Variants in SORCS1 observed in about 807,000 individuals in gnomAD.
The protein encoded by SORCS1 is sortilin related VPS10 domain containing receptor 1, also known as VPS10 domain-containing receptor SorCS1.
In SORCS1, 60 loss-of-function variants were observed where a neutral mutation model predicts 146.1. The observed-to-expected ratio is 0.41, with a 90% CI of 0.33 to 0.51. SORCS1 has a LOEUF of 0.51. SORCS1 is among the 20% of genes least tolerant of loss of function. The pLI is 0.21. For missense variants in SORCS1, 1,352 were observed against 1,487.6 expected (o/e 0.91, Z 1.50); for synonymous variants, 637 against 584.0 (o/e 1.09, Z -1.31).
In SORCS1 at chr10:106,573,882, A is replaced by C. The variant is rs1035611049; in HGVS notation, c.*3538T>G. On this transcript the variant is annotated 3_prime_UTR_variant, in exon 26 of 26. Coordinates refer to ENST00000263054, the MANE Select transcript of SORCS1 (RefSeq NM_052918.5). ...GAACACCAAGGGTTTAGGATTAAAAAAAAAAATACCTGAGGCAAAGACTTT... is the reference window on the plus strand; with the variant it reads ...GAACACCAAGGGTTTAGGATTAAAACAAAAAATACCTGAGGCAAAGACTTT... The C allele has an allele frequency of 6.6e-6, 1 of 152,590 alleles. No homozygotes were observed. Among genetic ancestry groups the C allele is most frequent in the Non-Finnish European group, 1.5e-5 (1 of 68,048 alleles). 9.5% of individuals were successfully genotyped at this position (152,590 alleles called of 1,614,324 possible). A position where few individuals can be genotyped will look rare whatever the true frequency, so the allele number is the denominator to read the frequency against.
chr10:107,124,938 CTTTCT>C (rs1966619333), intron 1 of SORCS1, among the ~76,000 whole-genome samples: 1 of 147,750 alleles, frequency 6.8e-6, no homozygotes, highest in Non-Finnish European at 1.5e-5. Flanking sequence ...TCTTTTCTTT[CTTTCT>C]TTTCTTTTTC....
chr10:106,857,378 G>C (rs1564741906), intron 2 of SORCS1, among the ~76,000 whole-genome samples: 1 of 152,214 alleles, frequency 6.6e-6, no homozygotes, highest in Non-Finnish European at 1.5e-5. Context: ...AGGCTATAGA[G>C]GGAAGCTTGG....
intron 1 of SORCS1, among the ~76,000 whole-genome samples, chr10:107,104,312 C>T (rs1965152085): frequency 1.3e-5 from 2 of 152,242 alleles, no homozygotes; most frequent in African/African-American, 4.8e-5. Context: ...ACCTCCTCTG[C>T]TTTGCAGCCC....
chr10:107,019,269 C>G (rs372370964), intron 1 of SORCS1, among the ~76,000 whole-genome samples: 1 of 152,116 alleles, frequency 6.6e-6, no homozygotes, highest in Admixed American at 6.6e-5. Context: ...TTTCAAGTTA[C>G]TATTAAATAT....
chr10:106,852,496 T>C (rs1214057855), intron 2 of SORCS1, among the ~76,000 whole-genome samples: 1 of 151,792 alleles, frequency 6.6e-6, no homozygotes, highest in Admixed American at 6.6e-5. Flanking sequence ...GGCATGGTGT[T>C]GCACGCCTGT....
intron 1 of SORCS1, among the ~76,000 whole-genome samples, chr10:107,102,688 G>A (rs899348682): frequency 6.6e-6 from 1 of 152,134 alleles, no homozygotes; most frequent in East Asian, 1.9e-4. Flanking sequence ...CATGCAAAGC[G>A]ATAAACTGTG....
chr10:106,888,172 C>G (rs1346726015), intron 2 of SORCS1, among the ~76,000 whole-genome samples: 1 of 152,004 alleles, frequency 6.6e-6, no homozygotes, highest in Non-Finnish European at 1.5e-5. Flanking sequence ...TCTTCAGAAG[C>G]TGATTTGAGG....
At chr10:107,099,612 G>T (rs964522393) in intron 1 of SORCS1, among the ~76,000 whole-genome samples, 7 of 152,048 alleles carry the variant, frequency 4.6e-5, no homozygotes, top group Non-Finnish European at 1.0e-4. Flanking sequence ...GAACAAAGCA[G>T]GTATTCCATC....
At chr10:106,772,226 G>C (rs939154533) in intron 4 of SORCS1, among the ~76,000 whole-genome samples, 1 of 152,014 alleles carries the variant, frequency 6.6e-6, no homozygotes, top group Non-Finnish European at 1.5e-5. Flanking sequence ...TTTTGAGCTG[G>C]GATATCCATC....
chr10:107,048,445 G>T (rs1275191516), intron 1 of SORCS1, among the ~76,000 whole-genome samples: 1 of 152,064 alleles, frequency 6.6e-6, no homozygotes, highest in African/African-American at 2.4e-5. Context: ...TTGTTAATTT[G>T]TCTTTCAATT....
rs150333833 is a variant in SORCS1, at chr10:106,611,949, T to C, written c.2995A>G (p.Arg999Gly). Reference sequence around the variant, plus strand: ...TTTTTGATGACTCGACCGATGTCCCTCCTCCACTCAGGGATGTCCGGGTTG... The same window carrying C: ...TTTTTGATGACTCGACCGATGTCCCCCCTCCACTCAGGGATGTCCGGGTTG... The part of the protein sequence containing the change: ...DYNPDIPEWR[R>G]DIGRVIKKSL... The change falls in exon 22 of 26, where the codon AGG (arginine) becomes GGG (glycine). Residue 999 changes from arginine (R) to glycine (G), a missense_variant. Physicochemically the swap from Arg to Gly is moderately radical, Grantham distance 125. Transcript: ENST00000263054. 1 of 1,613,976 alleles carries C rather than the reference T, an allele frequency of 6.2e-7. No homozygotes were observed. The highest frequency in any genetic ancestry group is 8.5e-7 in the Non-Finnish European group (1 of 1,179,988).
chr10:106,775,585 G>A (rs1860369948), intron 4 of SORCS1, among the ~76,000 whole-genome samples: 1 of 152,074 alleles, frequency 6.6e-6, no homozygotes, highest in South Asian at 2.1e-4. Context: ...TGAAACCCCA[G>A]AATATTCACC....
At chr10:107,149,938 A>G (rs1410646673) in intron 1 of SORCS1, among the ~76,000 whole-genome samples, 9 of 152,178 alleles carry the variant, frequency 5.9e-5, no homozygotes, top group Admixed American at 5.9e-4. Context: ...TGTCTGCAAA[A>G]TTTTTAATCT....
chr10:106,768,311 C>T (rs2136302610), intron 4 of SORCS1, among the ~76,000 whole-genome samples: 1 of 152,278 alleles, frequency 6.6e-6, no homozygotes, highest in East Asian at 1.9e-4. Flanking sequence ...ATATAATGCT[C>T]AACATATTTC....
intron 1 of SORCS1, among the ~76,000 whole-genome samples, chr10:107,018,948 G>C (rs985644397): frequency 2.6e-5 from 4 of 152,192 alleles, no homozygotes; most frequent in East Asian, 1.9e-4. Context: ...CAAATAACTT[G>C]AAGTTCCAGC....
At chr10:106,641,941 C>T (rs925142134) in intron 18 of SORCS1, among the ~76,000 whole-genome samples, 7 of 152,062 alleles carry the variant, frequency 4.6e-5, no homozygotes, top group Non-Finnish European at 1.0e-4. Context: ...TATATTCCCA[C>T]AAACTAAAGT....
chr10:107,101,646 A>T (rs376661691), intron 1 of SORCS1, among the ~76,000 whole-genome samples: 3 of 152,232 alleles, frequency 2.0e-5, no homozygotes, highest in African/African-American at 7.2e-5. Flanking sequence ...ATAGGACTGA[A>T]CCAATGCACC....
chr10:106,601,131 T>C (rs1846216200), intron 23 of SORCS1, among the ~76,000 whole-genome samples: 1 of 152,206 alleles, frequency 6.6e-6, no homozygotes, highest in Non-Finnish European at 1.5e-5. Context: ...TGCATTCTAC[T>C]GGAAAGTATG....
chr10:107,006,688 G>T (rs1178965515), intron 1 of SORCS1, among the ~76,000 whole-genome samples: 1 of 152,148 alleles, frequency 6.6e-6, no homozygotes, highest in Admixed American at 6.5e-5. Context: ...GTGGTGGCGG[G>T]CGCCTGTAGT....
Sources: allele counts gnomAD v4.1 joint callset (sites outside exome capture counted in the v4.1 genomes callset), GRCh38; gene constraint gnomAD v4.1.1; transcripts MANE v1.5; gene names NCBI Gene and HGNC (gene_info 2026-07-23, HGNC 2026-07-21).